GRIA4: variants seen among roughly 807,000 people sequenced by gnomAD.
The protein encoded by GRIA4 is glutamate receptor 4.
A neutral mutation model predicts 104.0 loss-of-function variants in GRIA4; 34 were observed. The ratio of observed to expected loss-of-function variants is 0.33; its 90% CI spans 0.25 to 0.44. GRIA4 has a LOEUF of 0.44. GRIA4 is among the 20% of genes least tolerant of loss of function. GRIA4 has a pLI of 1.00. For missense variants in GRIA4, 750 were observed against 1,096.5 expected (o/e 0.68, Z 4.46); for synonymous variants, 386 against 381.9 (o/e 1.01, Z -0.13).
chr11:105,767,396 T>G (rs184347978), intron 4 of GRIA4, among the ~76,000 whole-genome samples: 1 of 152,246 alleles, frequency 6.6e-6, no homozygotes, highest in East Asian at 1.9e-4. Flanking sequence ...ATATAAGAAG[T>G]GTATATTATG....
chr11:105,868,048 C>G (rs987308442), intron 5 of GRIA4, among the ~76,000 whole-genome samples: 1 of 152,062 alleles, frequency 6.6e-6, no homozygotes. Flanking sequence ...CAGAAACATG[C>G]ATAAATAATT....
chr11:105,917,716 G>C (rs1363422069), intron 10 of GRIA4, among the ~76,000 whole-genome samples: 3 of 151,824 alleles, frequency 2.0e-5, no homozygotes, highest in East Asian at 3.9e-4. Flanking sequence ...TGTTCACCAG[G>C]TTTATCTTTG....
chr11:105,666,695 G>C (rs183215225), intron 3 of GRIA4, among the ~76,000 whole-genome samples: 34 of 151,794 alleles, frequency 2.2e-4, no homozygotes, highest in Non-Finnish European at 4.3e-4. Context: ...CTAAATACAC[G>C]TTGTGGTTAA....
chr11:105,745,722 C>A (rs1214528729), intron 3 of GRIA4, among the ~76,000 whole-genome samples: 1 of 152,114 alleles, frequency 6.6e-6, no homozygotes, highest in Non-Finnish European at 1.5e-5. Flanking sequence ...AGTAAAATAT[C>A]ACTAATATGA....
At chr11:105,706,930 C>T (rs75886625) in intron 3 of GRIA4, 4,392 of 152,256 alleles carry the variant, frequency 0.029, 120 homozygotes, top group African/African-American at 0.072. Context: ...GCTTTATATA[C>T]GTCAAAAGGT....
chr11:105,812,772 G>C (rs142448613), intron 4 of GRIA4, among the ~76,000 whole-genome samples: 61 of 152,110 alleles, frequency 4.0e-4, no homozygotes, highest in African/African-American at 1.4e-3. Flanking sequence ...TTTTGGAAGG[G>C]AAGATTATGA....
At chr11:105,746,310 C>A (rs1156401628) in intron 3 of GRIA4, among the ~76,000 whole-genome samples, 1 of 151,644 alleles carries the variant, frequency 6.6e-6, no homozygotes, top group Non-Finnish European at 1.5e-5. Context: ...GAAAATATAG[C>A]CCTTAGGAAT....
chr11:105,656,394 G>A (rs968531481), intron 3 of GRIA4, among the ~76,000 whole-genome samples: 5 of 134,148 alleles, frequency 3.7e-5, no homozygotes, highest in Admixed American at 3.3e-4. Context: ...AGACTTAATC[G>A]TAAGACCTAA....
At chr11:105,839,649 A>G (rs1276463167) in intron 4 of GRIA4, among the ~76,000 whole-genome samples, 1 of 151,936 alleles carries the variant, frequency 6.6e-6, no homozygotes, top group Admixed American at 6.6e-5. Flanking sequence ...TAGAGCTTGC[A>G]GTGAGCCGAG....
intron 9 of GRIA4, among the ~76,000 whole-genome samples, chr11:105,905,765 A>G (rs1947021686): frequency 6.6e-6 from 1 of 152,206 alleles, no homozygotes; most frequent in East Asian, 1.9e-4. Context: ...TGACCAAAAG[A>G]GAAAGAAGAT....
At chr11:105,963,488 C>T (rs1216555633) in intron 14 of GRIA4, among the ~76,000 whole-genome samples, 1 of 152,032 alleles carries the variant, frequency 6.6e-6, no homozygotes, top group East Asian at 1.9e-4. Flanking sequence ...TACAAAATGC[C>T]TTCCAACATG....
chr11:105,755,559 C>T (rs1342768393), intron 4 of GRIA4, among the ~76,000 whole-genome samples: 1 of 152,132 alleles, frequency 6.6e-6, no homozygotes, highest in Admixed American at 6.6e-5. Context: ...TTTTCTTTTA[C>T]CAGATATGGA....
chr11:105,815,717 T>A (rs1943350533), intron 4 of GRIA4, among the ~76,000 whole-genome samples: 1 of 152,194 alleles, frequency 6.6e-6, no homozygotes, highest in African/African-American at 2.4e-5. Context: ...ATTTCTTCTT[T>A]CTCACTTCTA....
chr11:105,923,078 T>C (rs545099825), intron 11 of GRIA4, among the ~76,000 whole-genome samples: 31 of 152,188 alleles, frequency 2.0e-4, no homozygotes, highest in African/African-American at 7.5e-4. Flanking sequence ...CCAGTTGCCC[T>C]TGTAGCAAGC....
At chr11:105,862,276 T>A (rs1431357225) in intron 5 of GRIA4, 68 bp downstream of exon 5, 2 of 845,928 alleles carry the variant, frequency 2.4e-6, no homozygotes, top group Admixed American at 2.4e-5. Flanking sequence ...GATTGACTTG[T>A]CCCCATCAAC....
At chr11:105,910,973 T>A (rs1055157590) in intron 10 of GRIA4, among the ~76,000 whole-genome samples, 3 of 152,152 alleles carry the variant, frequency 2.0e-5, no homozygotes, top group African/African-American at 7.2e-5. Flanking sequence ...ATTATAATTT[T>A]CAGGTAGTTC....
At chr11:105,683,962 C>A (rs1952790403) in intron 3 of GRIA4, among the ~76,000 whole-genome samples, 1 of 152,000 alleles carries the variant, frequency 6.6e-6, no homozygotes, top group Non-Finnish European at 1.5e-5. Context: ...GCAAACTTCA[C>A]CTCCTGGGTT....
chr11:105,887,378 G>A (rs2508467), intron 5 of GRIA4, 141 bp from the exon 6 acceptor site: 113,802 of 485,796 alleles, frequency 0.23, 13,826 homozygotes, highest in Admixed American at 0.29. Context: ...TCTAACTATA[G>A]TACGTGACTT....
rs149458461 is a variant in GRIA4 at position 105,884,914 on chromosome 11, C to T, written c.673-2605C>T. Among the ~76,000 whole-genome samples, 384 of 152,180 alleles carry T rather than the reference C, an allele frequency of 2.5e-3. 2 individuals carry two copies. The highest frequency in any genetic ancestry group is 8.7e-3 in the African/African-American group (359 of 41,498). On this transcript the variant is annotated intron_variant, in intron 5 of 16. Coordinates refer to ENST00000282499, the MANE Select transcript of GRIA4 (RefSeq NM_000829.4). ...ATGGATTTTTAAAATTAAACTGACA[C>T]ATTTTTGACTGCAGTCACAAAGAAA...
Sources: gnomAD v4.1 joint callset for allele counts (sites outside exome capture counted in the v4.1 genomes callset) on GRCh38, gnomAD v4.1.1 for gene constraint, MANE v1.5 for transcripts, NCBI Gene and HGNC (gene_info 2026-07-23, HGNC 2026-07-21) for gene names.